GET1: variants seen among roughly 807,000 people sequenced by gnomAD.
The protein encoded by GET1 is guided entry of tail-anchored proteins factor 1, also known as congenital heart disease 5 protein.
GET1 carries 20 observed loss-of-function variants against 22.6 expected under a neutral mutation model. That is an observed-to-expected ratio of 0.89 (90% CI 0.62 to 1.29). The LOEUF is 1.29. GET1 is among the 50% of genes most tolerant of loss of function. The pLI, the probability that GET1 is intolerant of heterozygous loss-of-function variation, is 0.00. For missense variants in GET1, 209 were observed against 219.9 expected (o/e 0.95, Z 0.31); for synonymous variants, 92 against 83.8 (o/e 1.10, Z -0.53).
At chr21:39,423,611 T>C in intron 1 of GET1, 1 of 780,354 alleles carries the variant, frequency 1.3e-6, no homozygotes, top group East Asian at 2.7e-5. Context: ...CACACAAGCG[T>C]AAGTGTAACT....
chr21:39,396,212 A>G (rs942846582), intron 4 of GET1, among the ~76,000 whole-genome samples: 3 of 152,168 alleles, frequency 2.0e-5, no homozygotes, highest in Non-Finnish European at 2.9e-5. Flanking sequence ...CCTGACCTAC[A>G]TGGTGAAACC....
At chr21:39,382,878 A>G (rs1433203070) in intron 1 of GET1, among the ~76,000 whole-genome samples, 1 of 152,214 alleles carries the variant, frequency 6.6e-6, no homozygotes, top group Non-Finnish European at 1.5e-5. Flanking sequence ...CCAGCAGTGC[A>G]GAAGGGTTCC....
exon 5 of GET1, chr21:39,406,574 G>A (rs150413866): frequency 3.8e-6 from 6 of 1,594,008 alleles, no homozygotes; most frequent in Middle Eastern, 1.7e-4. Flanking sequence ...TTCTCCAGCA[G>A]TATTTGGACT....
chr21:39,385,500 G>T (rs1390395039), intron 1 of GET1, among the ~76,000 whole-genome samples: 4 of 152,202 alleles, frequency 2.6e-5, no homozygotes, highest in Non-Finnish European at 4.4e-5. Context: ...TCTTCAAGCT[G>T]GTCACGGGGA....
At chr21:39,406,366 G>C (rs772543714) in exon 5 of GET1, 3 of 1,613,652 alleles carry the variant, frequency 1.9e-6, no homozygotes, top group East Asian at 4.5e-5. Flanking sequence ...GTAGGGAGCA[G>C]TGCCTTTGCC....
intron 1 of GET1, chr21:39,387,909 T>A: frequency 3.4e-6 from 3 of 882,256 alleles, no homozygotes; most frequent in African/African-American, 1.8e-5. Context: ...CCAGGCACAC[T>A]TTAGATACAC....
chr21:39,416,317 C>T (rs1028451451), intron 1 of GET1, among the ~76,000 whole-genome samples: 2 of 152,182 alleles, frequency 1.3e-5, no homozygotes, highest in Admixed American at 1.3e-4. Flanking sequence ...TAAGTTTTAA[C>T]CTGGGCAGTT....
At position 39,392,080 on chromosome 21, in the gene GET1, C is replaced by T. The variant is rs77478295; in HGVS notation, c.336+244C>T. On this transcript the variant is annotated intron_variant, in intron 3 of 4. Transcript: ENST00000649170. Reference sequence around the variant, plus strand: ...GCAGATGGACTGTGAAGTAAGTTCTCGGAGAGCTTTCACCATGCCTGCATC... The same window carrying T: ...GCAGATGGACTGTGAAGTAAGTTCTTGGAGAGCTTTCACCATGCCTGCATC... The T allele has an allele frequency of 5.8e-3, 2,802 of 482,644 alleles. 66 individuals are homozygous for T. The highest frequency in any genetic ancestry group is 0.05 in the African/African-American group (2,542 of 50,492). 29.9% of individuals were successfully genotyped at this position (482,644 alleles called of 1,614,324 possible).
exon 2 of GET1, chr21:39,428,418 A>G: frequency 6.2e-7 from 1 of 1,612,006 alleles, no homozygotes; most frequent in Non-Finnish European, 8.5e-7. Context: ...CATGCTGCAG[A>G]CCTCCTATTG....
chr21:39,396,077 A>G (rs918592892), intron 4 of GET1, among the ~76,000 whole-genome samples: 1 of 152,324 alleles, frequency 6.6e-6, no homozygotes, highest in Non-Finnish European at 1.5e-5. Context: ...TTAGTAAAGA[A>G]TACAGCCCTA....
intron 1 of GET1, among the ~76,000 whole-genome samples, chr21:39,382,492 A>G (rs745920092): frequency 3.3e-5 from 5 of 152,204 alleles, no homozygotes; most frequent in African/African-American, 7.2e-5. Context: ...GGGACCTCAT[A>G]TAAGTGGAAT....
At position 39,393,228 on chromosome 21, in the gene GET1, T is replaced by C. The variant is rs748900524; in HGVS notation, c.399T>C (p.Ser133=). 1 of 1,614,200 alleles carries C rather than the reference T, an allele frequency of 6.2e-7. No homozygotes were observed. Among genetic ancestry groups the C allele is most frequent in the South Asian group, 1.1e-5 (1 of 91,084 alleles). The change falls in exon 4 of 5, where the codon AGT becomes AGC. Residue 133 remains serine, a synonymous_variant. Transcript: ENST00000649170. ...CTGTCCCTGTGGCTGTCGTGCCGAG[T>C]AAATGGATAACCCCTCTAGACCGCC... The part of the protein sequence containing the change: ...YYSVPVAVVP[S]KWITPLDRLV...
chr21:39,421,107 T>G (rs1157318123), intron 1 of GET1, among the ~76,000 whole-genome samples: 1 of 151,724 alleles, frequency 6.6e-6, no homozygotes, highest in Non-Finnish European at 1.5e-5. Flanking sequence ...ATTCGTTTTT[T>G]TTTTTTTTTT....
At position 39,380,470 on chromosome 21, in the gene GET1, C is replaced by A. The variant is rs750266291; in HGVS notation, c.86C>A (p.Pro29Gln). The A allele has an allele frequency of 4.5e-5, 72 of 1,612,452 alleles. 1 individual carries two copies. The South Asian group carries it at 7.6e-4, about 17-fold the overall frequency. Residue 29 changes from proline (P) to glutamine (Q), a missense_variant, in exon 1 of 5, where the codon CCG (proline) becomes CAG (glutamine). Transcript: ENST00000649170. The part of the protein sequence containing the change: ...FGCNVLRILL[P>Q]SFSSFMSRVL... ...TGCAATGTTCTTAGGATCCTCCTCCCGTCCTTCTCATCCTTCGTAAGTGGC... is the reference window on the plus strand; with the variant it reads ...TGCAATGTTCTTAGGATCCTCCTCCAGTCCTTCTCATCCTTCGTAAGTGGC...
At chr21:39,384,694 A>C (rs1338194663) in intron 1 of GET1, among the ~76,000 whole-genome samples, 33 of 151,826 alleles carry the variant, frequency 2.2e-4, no homozygotes, top group Admixed American at 2.2e-3. Context: ...AGTATTCATT[A>C]GTTATTTTTC....
At chr21:39,394,908 C>G (rs1251272271) in intron 4 of GET1, among the ~76,000 whole-genome samples, 1 of 152,014 alleles carries the variant, frequency 6.6e-6, no homozygotes, top group Non-Finnish European at 1.5e-5. Context: ...GGGTCTTGCT[C>G]TGTTGCCCAG....
intron 1 of GET1, among the ~76,000 whole-genome samples, chr21:39,421,217 C>T (rs2042256801): frequency 6.6e-6 from 1 of 151,994 alleles, no homozygotes; most frequent in Admixed American, 6.6e-5. Flanking sequence ...ATTCTCCTGC[C>T]TCAGCCCCTG....
chr21:39,399,787 GTGAA>G (rs1569046728), downstream of GET1, among the ~76,000 whole-genome samples: 1 of 152,010 alleles, frequency 6.6e-6, no homozygotes, highest in Non-Finnish European at 1.5e-5. Flanking sequence ...ATAGCTTCAC[GTGAA>G]AGCAGGTATC....
At chr21:39,411,074 T>C (rs2040014994), downstream of GET1, 1 of 362,340 alleles carries the variant, frequency 2.8e-6, no homozygotes, top group Non-Finnish European at 5.4e-6. Context: ...TCAATATAGA[T>C]GAATCTCAAA....
Sources: gnomAD v4.1 joint callset for allele counts (sites outside exome capture counted in the v4.1 genomes callset) on GRCh38, gnomAD v4.1.1 for gene constraint, MANE v1.5 for transcripts, NCBI Gene and HGNC (gene_info 2026-07-23, HGNC 2026-07-21) for gene names.